The following TNR variants were observed in gnomAD, a reference collection of about 807,000 sequenced individuals.
TNR encodes tenascin R, also known as tenascin-R.
TNR carries 45 observed loss-of-function variants against 150.4 expected under a neutral mutation model. The observed-to-expected ratio is 0.30, with a 90% CI of 0.24 to 0.38. The LOEUF (loss-of-function observed/expected upper bound fraction) is 0.38. TNR is among the 10% of genes least tolerant of loss of function. The pLI is 1.00. For synonymous variants in TNR, 687 were observed against 678.4 expected, an observed-to-expected ratio of 1.01 and a Z score of -0.20; for missense variants, 1,544 against 1,759.1, an observed-to-expected ratio of 0.88 and a Z score of 2.19.
intron 1 of TNR, among the ~76,000 whole-genome samples, chr1:175,681,742 T>A (rs1666040106): frequency 6.6e-6 from 1 of 152,098 alleles, no homozygotes. Flanking sequence ...GTGAGCAGAA[T>A]CACAGATTGA....
At chr1:175,649,831 AC>A (rs1664902028) in intron 1 of TNR, among the ~76,000 whole-genome samples, 1 of 152,060 alleles carries the variant, frequency 6.6e-6, no homozygotes, top group Non-Finnish European at 1.5e-5. Context: ...TGTTCTAGAA[AC>A]TTCTCTACCT....
At chr1:175,672,181 T>C (rs916664740) in intron 1 of TNR, among the ~76,000 whole-genome samples, 1 of 152,224 alleles carries the variant, frequency 6.6e-6, no homozygotes, top group African/African-American at 2.4e-5. Context: ...AGAAGTATTA[T>C]GAAGACCAAA....
At chr1:175,352,793 G>A (rs996632748) in intron 18 of TNR, among the ~76,000 whole-genome samples, 1 of 152,204 alleles carries the variant, frequency 6.6e-6, no homozygotes, top group Non-Finnish European at 1.5e-5. Context: ...AAAAAAAGAA[G>A]GGAGAAGAGG....
At chr1:175,336,131 G>A (rs959301465) in intron 19 of TNR, among the ~76,000 whole-genome samples, 2 of 152,214 alleles carry the variant, frequency 1.3e-5, no homozygotes, top group African/African-American at 4.8e-5. Flanking sequence ...GGGGAAATAG[G>A]CTTGGCTCTC....
chr1:175,370,832 C>T (rs1342750665), intron 9 of TNR, among the ~76,000 whole-genome samples: 4 of 152,118 alleles, frequency 2.6e-5, no homozygotes, highest in Non-Finnish European at 4.4e-5. Context: ...ATCCCAGTTT[C>T]TTATTTATGA....
chr1:175,557,190 A>G (rs376258499), intron 1 of TNR, among the ~76,000 whole-genome samples: 163 of 152,294 alleles, frequency 1.1e-3, no homozygotes, highest in African/African-American at 3.7e-3. Context: ...CCTTTCTCCA[A>G]TTGAGAAGAG....
chr1:175,379,326 T>G (rs859425), intron 9 of TNR, among the ~76,000 whole-genome samples: 100,875 of 152,000 alleles, frequency 0.66, 33,609 homozygotes, highest in East Asian at 0.82. Flanking sequence ...GCCACTGCAC[T>G]CCAGCCTGGG....
intron 1 of TNR, among the ~76,000 whole-genome samples, chr1:175,549,713 C>T (rs1033260435): frequency 1.3e-5 from 2 of 152,038 alleles, no homozygotes; most frequent in Non-Finnish European, 2.9e-5. Flanking sequence ...TGGAGGTGGC[C>T]CATAGCAAGG....
In TNR at chr1:175,477,843, G is replaced by A. The variant is rs986156219; in HGVS notation, c.-64+50426C>T. 5.9e-5 allele frequency among the ~76,000 whole-genome samples: 9 copies of A among 152,190 alleles called. No individual in the cohort carries two copies. The East Asian group carries it at 9.6e-4, about 16-fold the overall frequency. ...CCCTGTCCATTCTATCTCCCTGAGC[G>A]GAGTGTTTCACTCCCTTCCGCAGTC... is the stretch of plus-strand genomic sequence containing the variant. On this transcript the variant is annotated intron_variant, in intron 2 of 22. Transcript: ENST00000367674.
chr1:175,591,048 G>A (rs1218010814), intron 1 of TNR, among the ~76,000 whole-genome samples: 1 of 152,224 alleles, frequency 6.6e-6, no homozygotes, highest in Non-Finnish European at 1.5e-5. Flanking sequence ...GAACTGGGGA[G>A]GGGAGATCAC....
chr1:175,436,732 T>C (rs1397716632), intron 2 of TNR, among the ~76,000 whole-genome samples: 1 of 152,204 alleles, frequency 6.6e-6, no homozygotes, highest in Non-Finnish European at 1.5e-5. Flanking sequence ...GTTGCAATCC[T>C]AGTCTCTGAA....
chr1:175,379,363 A>C (rs560241983), intron 9 of TNR, among the ~76,000 whole-genome samples, 189 bp downstream of exon 9: 1 of 152,288 alleles, frequency 6.6e-6, no homozygotes, highest in East Asian at 1.9e-4. Context: ...TCTCAAAAAA[A>C]GGAGATGTTA....
rs911908758 is a variant in TNR at position 175,555,346 on chromosome 1, C to T, written c.-164-26977G>A. Among the ~76,000 whole-genome samples the T allele has an allele frequency of 8.5e-5, 13 of 152,078 alleles. No individual in the cohort carries two copies. In the East Asian group the frequency reaches 2.5e-3, roughly 29 times the overall value. ...TCCTTTAGAAGCACATTTTCTAGTTCCTAATAAAACCTCTCAGGCTAGGCC... is the reference window on the plus strand; with the variant it reads ...TCCTTTAGAAGCACATTTTCTAGTTTCTAATAAAACCTCTCAGGCTAGGCC... On this transcript the variant is annotated intron_variant, in intron 1 of 22. Coordinates refer to ENST00000367674, the MANE Select transcript of TNR (RefSeq NM_003285.3).
chr1:175,630,994 A>G (rs1425562199), intron 1 of TNR, among the ~76,000 whole-genome samples: 1 of 152,200 alleles, frequency 6.6e-6, no homozygotes, highest in Non-Finnish European at 1.5e-5. Context: ...CTGATTCACA[A>G]AAAATAAAAA....
intron 1 of TNR, among the ~76,000 whole-genome samples, chr1:175,629,868 G>A (rs1169737326): frequency 1.3e-5 from 2 of 152,182 alleles, no homozygotes; most frequent in Non-Finnish European, 2.9e-5. Context: ...GTAAATGAAT[G>A]GAGATATGGA....
In TNR at chr1:175,471,744, C is replaced by T. The variant is rs58179877; in HGVS notation, c.-64+56525G>A. Among the ~76,000 whole-genome samples, 671 of 152,184 alleles carry T rather than the reference C, an allele frequency of 4.4e-3. 3 individuals carry two copies. The highest frequency in any genetic ancestry group is 0.015 in the African/African-American group (641 of 41,500). On this transcript the variant is annotated intron_variant, in intron 2 of 22. Transcript: ENST00000367674. ...ATCAACACTGAATACTTAGGCCATA[C>T]TAATTTTATTAAATTTTTTTTCTTC...
Position 175,654,013 on chromosome 1 carries a change from T to C in TNR, c.-165+89213A>G, listed in dbSNP as rs558891602. Among the ~76,000 whole-genome samples the C allele has an allele frequency of 5.3e-5, 8 of 152,310 alleles. No individual in the cohort carries two copies. The East Asian group carries it at 1.5e-3, about 29-fold the overall frequency. ...ATACTTTTTCTACAAGGGATTTTTA[T>C]TTACTCCAGCATGCAAAATACTGCT... On this transcript the variant is annotated intron_variant, in intron 1 of 22. Coordinates refer to ENST00000367674, the MANE Select transcript of TNR (RefSeq NM_003285.3).
chr1:175,537,793 C>T (rs1411431591), intron 1 of TNR, among the ~76,000 whole-genome samples: 1 of 152,148 alleles, frequency 6.6e-6, no homozygotes, highest in Non-Finnish European at 1.5e-5. Context: ...ACCTAAGTCC[C>T]TCTCCCTCGT....
intron 1 of TNR, among the ~76,000 whole-genome samples, chr1:175,535,615 C>A (rs1302224732): frequency 6.6e-6 from 1 of 150,736 alleles, no homozygotes; most frequent in African/African-American, 2.5e-5. Flanking sequence ...CACTCGCCAA[C>A]ATGCCCGGCT....
Sources: allele counts gnomAD v4.1 joint callset (sites outside exome capture counted in the v4.1 genomes callset), GRCh38; gene constraint gnomAD v4.1.1; transcripts MANE v1.5; gene names NCBI Gene and HGNC (gene_info 2026-07-23, HGNC 2026-07-21).